The following LARP1 variants were observed in gnomAD, a reference collection of about 807,000 sequenced individuals.
LARP1 encodes the protein la-related protein 1.
In LARP1, 36 loss-of-function variants were observed where a neutral mutation model predicts 122.7. The observed-to-expected ratio is 0.29, with a 90% CI of 0.22 to 0.39. The LOEUF is 0.39. Ranked by LOEUF, LARP1 falls within the 10% of genes least tolerant of loss-of-function variation. LARP1 has a pLI of 1.00. For synonymous variants in LARP1, 539 were observed against 528.7 expected (o/e 1.02, Z -0.27); for missense variants, 1,040 against 1,403.6 (o/e 0.74, Z 4.14).
upstream of LARP1, among the ~76,000 whole-genome samples, chr5:154,710,133 G>C (rs1330317978): frequency 6.6e-6 from 1 of 152,126 alleles, no homozygotes; most frequent in Non-Finnish European, 1.5e-5. Context: ...TTTGGTGGCT[G>C]CCCGCCGCTC....
Position 154,715,487 on chromosome 5 carries a change from C to T in LARP1, c.205+2357C>T, listed in dbSNP as rs62380528. 5.6e-3 allele frequency among the ~76,000 whole-genome samples: 851 copies of T among 152,116 alleles called. 3 individuals carry two copies. Among genetic ancestry groups the T allele is most frequent in the Middle Eastern group, 0.024 (7 of 294 alleles). On this transcript the variant is annotated intron_variant, in intron 1 of 18. Transcript: ENST00000336314. The stretch of plus-strand genomic sequence containing the variant: ...TGAACTCCCGACCTCAGGTGATCTG[C>T]CCGCCTCGGCTTCTCAAAGTGCTGG...
chr5:154,778,293 A>G (rs1756101075), intron 1 of LARP1, among the ~76,000 whole-genome samples: 2 of 151,256 alleles, frequency 1.3e-5, no homozygotes, highest in African/African-American at 4.9e-5. Context: ...GCTCTGATTT[A>G]AAAATATTAA....
chr5:154,727,425 A>G (rs1024441246), intron 1 of LARP1, among the ~76,000 whole-genome samples: 12 of 152,214 alleles, frequency 7.9e-5, no homozygotes, highest in Non-Finnish European at 1.5e-4. Flanking sequence ...TAAAGTCATA[A>G]ATGAAAATAA....
intron 1 of LARP1, among the ~76,000 whole-genome samples, chr5:154,781,214 A>G (rs1400745794): frequency 6.6e-6 from 1 of 152,188 alleles, no homozygotes; most frequent in African/African-American, 2.4e-5. Flanking sequence ...AACCTGTCTG[A>G]GACGATTGGC....
At chr5:154,794,389 T>G in intron 7 of LARP1, 127 bp downstream of exon 7, 2 of 845,056 alleles carry the variant, frequency 2.4e-6, no homozygotes, top group Non-Finnish European at 1.8e-6. Flanking sequence ...AAAAGATAGC[T>G]TTTCTCATTG....
At chr5:154,762,127 C>T (rs2113598750) in intron 1 of LARP1, among the ~76,000 whole-genome samples, 1 of 152,200 alleles carries the variant, frequency 6.6e-6, no homozygotes, top group African/African-American at 2.4e-5. Flanking sequence ...CCTGTAGTCC[C>T]AGCTACTCAG....
intron 1 of LARP1, among the ~76,000 whole-genome samples, chr5:154,771,246 G>T (rs1013092233): frequency 6.6e-6 from 1 of 152,160 alleles, no homozygotes; most frequent in African/African-American, 2.4e-5. Flanking sequence ...TTGCCTTGGT[G>T]AGGACAGATG....
upstream of LARP1, among the ~76,000 whole-genome samples, chr5:154,755,312 G>GCGCC (rs1324661880): frequency 1.3e-5 from 2 of 148,400 alleles, no homozygotes; most frequent in Non-Finnish European, 3.0e-5. Flanking sequence ...CGTGAGGCGC[G>GCGCC]CGCCCGCCCG....
At chr5:154,792,844 G>A in intron 4 of LARP1, 48 bp downstream of exon 4, 1 of 1,586,868 alleles carries the variant, frequency 6.3e-7, no homozygotes, top group African/African-American at 1.3e-5. Flanking sequence ...GGGTAGAACT[G>A]TGAAATGTCA....
At chr5:154,770,442 G>C (rs1167184432) in intron 1 of LARP1, among the ~76,000 whole-genome samples, 1 of 152,070 alleles carries the variant, frequency 6.6e-6, no homozygotes, top group Non-Finnish European at 1.5e-5. Flanking sequence ...GCTGAGGACA[G>C]GTGCTTCCCT....
intron 1 of LARP1, among the ~76,000 whole-genome samples, chr5:154,730,348 ATCTCTACCAGATGGATGTAT>A (rs1366376755): frequency 6.6e-6 from 1 of 150,400 alleles, no homozygotes; most frequent in African/African-American, 2.4e-5. Flanking sequence ...AGTCTTGATT[ATCTCTACCAGATGGATGTAT>A]TTTCCTGCAA....
chr5:154,805,077 C>A (rs912322249), intron 14 of LARP1: 10 of 339,090 alleles, frequency 2.9e-5, no homozygotes, highest in South Asian at 4.6e-5. Flanking sequence ...TGTATTCTTA[C>A]AATAAGCTAA....
chr5:154,716,725 A>T (rs1755530226), intron 1 of LARP1, among the ~76,000 whole-genome samples: 1 of 151,942 alleles, frequency 6.6e-6, no homozygotes. Flanking sequence ...TTGGGATTAC[A>T]GGTGTGAGCC....
chr5:154,774,501 AG>A (rs1326590903), intron 1 of LARP1, among the ~76,000 whole-genome samples: 1 of 152,230 alleles, frequency 6.6e-6, no homozygotes, highest in Non-Finnish European at 1.5e-5. Context: ...GAGGAGTCTA[AG>A]GCACCATCTT....
intron 1 of LARP1, chr5:154,786,383 G>GC: frequency 2.3e-6 from 1 of 441,974 alleles, no homozygotes; most frequent in Non-Finnish European, 4.6e-6. Context: ...TATTTAAGAA[G>GC]CCCCCGGACC....
chr5:154,697,039 G>C (rs1343571475), intron 1 of LARP1, among the ~76,000 whole-genome samples: 1 of 152,108 alleles, frequency 6.6e-6, no homozygotes, highest in African/African-American at 2.4e-5. Context: ...GAGGAGCAGA[G>C]AGTTGACTTT....
Position 154,793,836 on chromosome 5 carries a change from C to T in LARP1, c.905C>T (p.Pro302Leu). Residue 302 changes from proline to leucine, a missense_variant, in exon 6 of 19, where the codon CCC becomes CTC. This residue lies in a region of LARP1 where 178 missense variants were observed against 178.3 expected (regional missense o/e 1.00). Coordinates refer to ENST00000518297, the MANE Select transcript of LARP1 (RefSeq NM_033551.3). ...ESATYVPVAP[P>L]TPAWQPEIKP... is the part of the protein sequence containing the mutation. ...GCCACCTACGTGCCCGTGGCCCCCC[C>T]CACCCCAGCCTGGCAACCAGAGATC... is the stretch of plus-strand genomic sequence containing the variant. 1 of 1,614,182 alleles carries T rather than the reference C, an allele frequency of 6.2e-7. No individual in the cohort carries two copies. The highest frequency in any genetic ancestry group is 8.5e-7 in the Non-Finnish European group (1 of 1,180,010).
At position 154,814,572 on chromosome 5, in the gene LARP1, CTGG is replaced by C. The variant is rs1251301039; in HGVS notation, c.*481_*483del. On this transcript the variant is annotated 3_prime_UTR_variant, in exon 19 of 19. Transcript: ENST00000518297. ...GCCCAGCACTGTCTCATAGAAGGCT[CTGG>C]TGGTACCTCTGGGCCCCAGGAGCAT... is the stretch of plus-strand genomic sequence containing the variant. 6.6e-6 allele frequency: 1 copy of C among 152,650 alleles called. No homozygotes were observed. Among genetic ancestry groups the C allele is most frequent in the Non-Finnish European group, 1.5e-5 (1 of 68,114 alleles). 9.5% of individuals were successfully genotyped at this position (152,650 alleles called of 1,614,324 possible).
At chr5:154,691,798 G>GTTT (rs1754227777) in intron 1 of LARP1, among the ~76,000 whole-genome samples, 1 of 138,944 alleles carries the variant, frequency 7.2e-6, no homozygotes, top group African/African-American at 3.1e-5. Flanking sequence ...CACCCTTTTC[G>GTTT]TTCTTTTTTT....
Sources: gnomAD v4.1 joint callset for allele counts (sites outside exome capture counted in the v4.1 genomes callset) on GRCh38, gnomAD v4.1.1 for gene constraint, gnomAD v4.1.1 regional missense constraint, MANE v1.5 for transcripts, NCBI Gene and HGNC (gene_info 2026-07-23, HGNC 2026-07-21) for gene names.